EYA3: variants seen among roughly 807,000 people sequenced by gnomAD.
The protein encoded by EYA3 is protein phosphatase EYA3.
EYA3 carries 39 observed loss-of-function variants against 80.0 expected under a neutral mutation model. The observed-to-expected ratio is 0.49, with a 90% confidence interval of 0.38 to 0.64. EYA3 has a LOEUF of 0.64. Among genes scored for constraint, EYA3 ranks in the 30% least tolerant of loss-of-function variants. The pLI is 0.00. For synonymous variants in EYA3, 206 were observed against 232.8 expected (o/e 0.88, Z 1.05); for missense variants, 523 against 676.1 (o/e 0.77, Z 2.51).
At chr1:28,003,483 AC>A (rs1641043376) in intron 11 of EYA3, among the ~76,000 whole-genome samples, 1 of 152,142 alleles carries the variant, frequency 6.6e-6, no homozygotes, top group African/African-American at 2.4e-5. Flanking sequence ...AAACAAACAA[AC>A]AAACAAACAA....
At chr1:28,034,788 A>G (rs572451496) in intron 6 of EYA3, among the ~76,000 whole-genome samples, 29 of 152,332 alleles carry the variant, frequency 1.9e-4, no homozygotes, top group Non-Finnish European at 3.4e-4. Context: ...TAAAGCCTAT[A>G]GAAATATAAT....
chr1:28,001,506 T>C (rs944047740), intron 11 of EYA3, among the ~76,000 whole-genome samples: 1 of 144,396 alleles, frequency 6.9e-6, no homozygotes, highest in African/African-American at 2.8e-5. Context: ...CGCAGCACTT[T>C]GGGAGGCCAA....
chr1:28,044,388 G>C (rs1643926412), intron 3 of EYA3, among the ~76,000 whole-genome samples: 1 of 152,138 alleles, frequency 6.6e-6, no homozygotes, highest in Admixed American at 6.5e-5. Context: ...GCTGTCAGGA[G>C]GACTAATAAG....
chr1:27,975,178 AT>A (rs1366240180), intron 17 of EYA3, among the ~76,000 whole-genome samples: 23 of 151,484 alleles, frequency 1.5e-4, no homozygotes, highest in African/African-American at 4.9e-4. Flanking sequence ...TGGAGGCCAT[AT>A]TTTACTTTTT....
chr1:28,039,447 T>C (rs1011097706), intron 4 of EYA3, among the ~76,000 whole-genome samples: 1 of 152,218 alleles, frequency 6.6e-6, no homozygotes, highest in African/African-American at 2.4e-5. Context: ...TTTTCTGTTT[T>C]GTAGTGAAGG....
intron 11 of EYA3, among the ~76,000 whole-genome samples, chr1:28,004,044 C>T (rs1641090181): frequency 6.6e-6 from 1 of 152,184 alleles, no homozygotes; most frequent in Non-Finnish European, 1.5e-5. Context: ...AGACTCTGCT[C>T]TATTTTGAGC....
At chr1:28,036,848 A>G (rs1643482456) in intron 5 of EYA3, among the ~76,000 whole-genome samples, 1 of 152,120 alleles carries the variant, frequency 6.6e-6, no homozygotes, top group Non-Finnish European at 1.5e-5. Context: ...TTTAAAGGGG[A>G]AATTTTTTTT....
intron 14 of EYA3, chr1:27,990,457 T>C (rs560569803): frequency 6.6e-6 from 1 of 152,388 alleles, no homozygotes; most frequent in South Asian, 2.1e-4. Context: ...GTGTTTCTCC[T>C]TGAACATCTC....
At chr1:28,016,298 C>T (rs1032844401) in intron 8 of EYA3, among the ~76,000 whole-genome samples, 1 of 152,036 alleles carries the variant, frequency 6.6e-6, no homozygotes. Context: ...GAGGCCAAGG[C>T]GGGTGCGGTT....
chr1:28,084,170 G>A (rs1259493143), intron 1 of EYA3, among the ~76,000 whole-genome samples: 5 of 151,900 alleles, frequency 3.3e-5, no homozygotes, highest in African/African-American at 7.3e-5. Context: ...TACTTAAATG[G>A]GAAAACAGCA....
chr1:28,081,162 T>C (rs781729706), intron 1 of EYA3, among the ~76,000 whole-genome samples: 1 of 152,128 alleles, frequency 6.6e-6, no homozygotes, highest in Non-Finnish European at 1.5e-5. Flanking sequence ...TTGCACAGAA[T>C]GTGAGGTACC....
intron 6 of EYA3, among the ~76,000 whole-genome samples, chr1:28,029,593 C>CTT (rs1226877063): frequency 1.8e-4 from 24 of 136,048 alleles, no homozygotes; most frequent in African/African-American, 4.3e-4. Context: ...AAAGAAAATC[C>CTT]TTTTTTTTTT....
intron 4 of EYA3, among the ~76,000 whole-genome samples, chr1:28,040,636 G>A (rs1052500825): frequency 3.3e-5 from 5 of 152,144 alleles, no homozygotes; most frequent in Non-Finnish European, 7.3e-5. Context: ...AATGTGAGGA[G>A]AAACGTATTC....
chr1:28,045,448 G>A (rs889200633), intron 3 of EYA3, among the ~76,000 whole-genome samples: 7 of 152,160 alleles, frequency 4.6e-5, no homozygotes, highest in Admixed American at 3.9e-4. Context: ...GAGGTTCACT[G>A]TTATACCCAC....
intron 10 of EYA3, among the ~76,000 whole-genome samples, chr1:28,006,530 C>A (rs546331624): frequency 6.6e-6 from 1 of 151,950 alleles, no homozygotes; most frequent in South Asian, 2.1e-4. Flanking sequence ...CATGGTGAAA[C>A]CCCATCTCTA....
chr1:27,985,972 G>A (rs980067520), intron 16 of EYA3, among the ~76,000 whole-genome samples: 3 of 152,070 alleles, frequency 2.0e-5, no homozygotes, highest in African/African-American at 7.2e-5. Context: ...GTAGTAGGGA[G>A]GCCAGGACTT....
chr1:28,033,483 G>A (rs898668167), intron 6 of EYA3, among the ~76,000 whole-genome samples: 1 of 151,892 alleles, frequency 6.6e-6, no homozygotes, highest in African/African-American at 2.4e-5. Flanking sequence ...AGAAGAAATT[G>A]GGAAACACAA....
intron 1 of EYA3, among the ~76,000 whole-genome samples, chr1:28,071,607 G>A (rs902424711): frequency 2.0e-5 from 3 of 151,752 alleles, no homozygotes; most frequent in African/African-American, 7.3e-5. Flanking sequence ...ATTTTTCTTT[G>A]GGATTTCTTT....
intron 1 of EYA3, among the ~76,000 whole-genome samples, chr1:28,060,517 A>G (rs572887357): frequency 6.6e-6 from 1 of 152,340 alleles, no homozygotes; most frequent in South Asian, 2.1e-4. Flanking sequence ...ATTTTATAAT[A>G]GAAAAAGAAG....
Sources: gnomAD v4.1 joint callset for allele counts (sites outside exome capture counted in the v4.1 genomes callset) on GRCh38, gnomAD v4.1.1 for gene constraint, MANE v1.5 for transcripts, NCBI Gene and HGNC (gene_info 2026-07-23, HGNC 2026-07-21) for gene names.